Variants in DMD observed in about 807,000 individuals in gnomAD.
DMD encodes mutant dystrophin.
In DMD, 63 loss-of-function variants were observed where a neutral mutation model predicts 330.1. That is an observed-to-expected ratio of 0.19 (90% CI 0.16 to 0.24). The LOEUF (loss-of-function observed/expected upper bound fraction) is 0.24. Ranked by LOEUF, DMD falls within the 10% of genes least tolerant of loss-of-function variation. The pLI is 1.00. For synonymous variants in DMD, 1,223 were observed against 959.8 expected (o/e 1.27, Z -5.07); for missense variants, 3,344 against 2,684.1 (o/e 1.25, Z -5.43).
chrX:33,089,064 A>ATTTT lies in DMD; in HGVS notation c.32-68868_32-68865dup, dbSNP rs747108325. 1.9e-3 allele frequency among the ~76,000 whole-genome samples: 165 copies of ATTTT among 86,441 alleles called. 2 individuals carry two copies. Among genetic ancestry groups the ATTTT allele is most frequent in the Middle Eastern group, 6.1e-3 (1 of 165 alleles). 75.1% of individuals were successfully genotyped at this position (86,441 alleles called of 115,157 possible). A position where few individuals can be genotyped will look rare whatever the true frequency, so the allele number is the denominator to read the frequency against. On this transcript the variant is annotated intron_variant, in intron 1 of 78. Transcript: ENST00000357033. ...CATGATATCTATTGCTACTCAATTC[A>ATTTT]TTTTTTTTTTTTTTTTTTTGAGACA...
At chrX:32,853,698 G>A (rs1193046525) in intron 2 of DMD, among the ~76,000 whole-genome samples, 1 of 103,179 alleles carries the variant, frequency 9.7e-6, no homozygotes, top group African/African-American at 3.6e-5. Context: ...AAAACAAAAT[G>A]GTAGGAATAA....
intron 47 of DMD, among the ~76,000 whole-genome samples, chrX:31,896,087 T>C (rs1278592762): frequency 2.7e-5 from 3 of 111,970 alleles, no homozygotes; most frequent in African/African-American, 9.7e-5. Flanking sequence ...CATCAGGGTT[T>C]AGTATGACTA....
At chrX:32,691,718 G>A (rs2063294848) in intron 9 of DMD, among the ~76,000 whole-genome samples, 1 of 111,467 alleles carries the variant, frequency 9.0e-6, no homozygotes, top group Admixed American at 9.6e-5. Context: ...CATGTTCATT[G>A]CAACACCATT....
At position 31,329,856 on chromosome X, in the gene DMD, A is replaced by T. The variant is rs766508389; in HGVS notation, c.9164-6198T>A. Among the ~76,000 whole-genome samples, 6 of 105,816 alleles carry T rather than the reference A, an allele frequency of 5.7e-5. No homozygotes were observed. The East Asian group carries it at 1.8e-3, about 32-fold the overall frequency. 91.9% of individuals were successfully genotyped at this position (105,816 alleles called of 115,157 possible). A position where few individuals can be genotyped will look rare whatever the true frequency, so the allele number is the denominator to read the frequency against. On this transcript the variant is annotated intron_variant, in intron 61 of 78. Coordinates refer to ENST00000357033, the MANE Select transcript of DMD (RefSeq NM_004006.3). ...CGAGGTGGCGCGCACCTATAGTCCCAGCTACTCGGGAGGCTGAGGCAGGAG... is the reference window on the plus strand; with the variant it reads ...CGAGGTGGCGCGCACCTATAGTCCCTGCTACTCGGGAGGCTGAGGCAGGAG...
At position 31,388,100 on chromosome X, in the gene DMD, T is replaced by A. The variant is rs756670069; in HGVS notation, c.9085-39466A>T. On this transcript the variant is annotated intron_variant, in intron 60 of 78. Transcript: ENST00000357033. ...CTGCAATCTCCAGCTCCCAGGTTCA[T>A]GCCATTCTCCTGCCTCAGCCTCCCG... is the stretch of plus-strand genomic sequence containing the variant. Among the ~76,000 whole-genome samples, 3 of 108,046 alleles carry A rather than the reference T, an allele frequency of 2.8e-5. No homozygotes were observed. The Admixed American group carries it at 3.0e-4, about 11-fold the overall frequency. The allele number at this position is 108,046 out of a possible 115,157, so 93.8% of individuals were successfully genotyped here.
chrX:32,915,572 C>T (rs959117927), intron 2 of DMD, among the ~76,000 whole-genome samples: 1 of 111,238 alleles, frequency 9.0e-6, no homozygotes, highest in African/African-American at 3.3e-5. Context: ...CCCCTCTCTC[C>T]TTAGTACCAC....
At chrX:32,146,089 G>T (rs2096776787) in intron 44 of DMD, among the ~76,000 whole-genome samples, 1 of 111,968 alleles carries the variant, frequency 8.9e-6, no homozygotes. Context: ...ATGATACTAT[G>T]TATCCCTACT....
chrX:31,735,370 T>C (rs1454149170), intron 51 of DMD, among the ~76,000 whole-genome samples: 1 of 111,662 alleles, frequency 9.0e-6, no homozygotes, highest in Non-Finnish European at 1.9e-5. Context: ...CCTCAGGCCC[T>C]GACTAATACA....
intron 55 of DMD, among the ~76,000 whole-genome samples, chrX:31,607,112 G>T (rs912045249): frequency 4.5e-5 from 5 of 111,549 alleles, no homozygotes; most frequent in African/African-American, 1.6e-4. Context: ...TCATGATGTG[G>T]TGCGGGCAGC....
rs758171205 is a variant in DMD, at chrX:31,122,506, C to A, written c.11047-576G>T. ...GCTGTTTCAGGCTGTTGGCTTGCTTCTGAGGCTATGGTGGAGGTGGCTATT... is the reference window on the plus strand; with the variant it reads ...GCTGTTTCAGGCTGTTGGCTTGCTTATGAGGCTATGGTGGAGGTGGCTATT... On this transcript the variant is annotated intron_variant, in intron 78 of 78. Transcript: ENST00000357033. Among the ~76,000 whole-genome samples the A allele has an allele frequency of 4.5e-5, 5 of 111,553 alleles. No individual in the cohort carries two copies. The South Asian group carries it at 1.5e-3, about 34-fold the overall frequency.
intron 1 of DMD, among the ~76,000 whole-genome samples, chrX:33,205,221 T>TACAG (rs1465249534): frequency 8.9e-6 from 1 of 112,769 alleles, no homozygotes; most frequent in Non-Finnish European, 1.9e-5. Flanking sequence ...TCATCATTTT[T>TACAG]ACAGATTATT....
intron 6 of DMD, among the ~76,000 whole-genome samples, chrX:32,815,488 C>T (rs2077662977): frequency 1.4e-5 from 1 of 72,197 alleles, no homozygotes; most frequent in Non-Finnish European, 2.5e-5. Flanking sequence ...AATACACACA[C>T]ACAAGCATAT....
chrX:32,872,096 C>T, intron 2 of DMD, among the ~76,000 whole-genome samples: 1 of 111,537 alleles, frequency 9.0e-6, no homozygotes, highest in East Asian at 2.8e-4. Flanking sequence ...GACCAACAGA[C>T]TGAATGATTA....
intron 52 of DMD, among the ~76,000 whole-genome samples, chrX:31,710,317 T>G (rs759934584): frequency 2.3e-4 from 26 of 111,675 alleles, no homozygotes; most frequent in Non-Finnish European, 1.1e-4. Flanking sequence ...AAGCTGTATA[T>G]CTGTATATGG....
intron 1 of DMD, among the ~76,000 whole-genome samples, chrX:33,113,928 T>G (rs551141740): frequency 9.1e-6 from 1 of 110,393 alleles, no homozygotes; most frequent in South Asian, 3.8e-4. Context: ...AGTGATAAGT[T>G]AATCTTTAAA....
chrX:31,318,743 AC>A (rs768947788), intron 62 of DMD, among the ~76,000 whole-genome samples: 1 of 112,039 alleles, frequency 8.9e-6, no homozygotes, highest in African/African-American at 3.2e-5. Flanking sequence ...GTTCCCAAGA[AC>A]CCCATCTTTC....
chrX:32,029,229 A>G (rs934363729), intron 44 of DMD, among the ~76,000 whole-genome samples: 3 of 111,899 alleles, frequency 2.7e-5, no homozygotes, highest in Admixed American at 9.5e-5. Flanking sequence ...AGATTTTTAT[A>G]ATTAATTCCT....
chrX:32,750,342 G>A (rs766290999), intron 7 of DMD, among the ~76,000 whole-genome samples: 3 of 111,620 alleles, frequency 2.7e-5, no homozygotes, highest in South Asian at 7.5e-4. Context: ...AAAACTTCCC[G>A]TGTTTCATAT....
At chrX:32,230,200 A>G (rs2097163773) in intron 43 of DMD, among the ~76,000 whole-genome samples, 1 of 111,509 alleles carries the variant, frequency 9.0e-6, no homozygotes, top group South Asian at 3.7e-4. Context: ...ACTTCAAATG[A>G]GTATACCTTC....
Sources: allele counts gnomAD v4.1 joint callset (sites outside exome capture counted in the v4.1 genomes callset), GRCh38; gene constraint gnomAD v4.1.1; transcripts MANE v1.5; gene names NCBI Gene and HGNC (gene_info 2026-07-23, HGNC 2026-07-21).